The following LEUTX variants were observed in gnomAD, a reference collection of about 807,000 sequenced individuals.
LEUTX encodes the protein leucine twenty homeobox, also known as paired-like homeodomain transcription factor LEUTX.
Under a neutral mutation model 4.5 loss-of-function variants are expected in LEUTX, and 5 were observed. The ratio of observed to expected loss-of-function variants is 1.11; its 90% CI spans 0.58 to 2.34. The LOEUF is 2.34. Among genes scored for constraint, LEUTX ranks in the 30% most tolerant of loss-of-function variants. The probability of loss-of-function intolerance (pLI) is 0.01; values close to 1 mark genes in which losing one functional copy is unlikely to be tolerated. For synonymous variants in LEUTX, 89 were observed against 85.1 expected, an observed-to-expected ratio of 1.05 and a Z score of -0.25; for missense variants, 233 against 239.4, an observed-to-expected ratio of 0.97 and a Z score of 0.18.
At chr19:39,776,845 C>T (rs1967802648), upstream of LEUTX, among the ~76,000 whole-genome samples, 1 of 152,056 alleles carries the variant, frequency 6.6e-6, no homozygotes, top group Non-Finnish European at 1.5e-5. Context: ...CACACCACTG[C>T]CTGGGTGATA....
upstream of LEUTX, among the ~76,000 whole-genome samples, chr19:39,778,108 A>G (rs932890719): frequency 6.6e-6 from 1 of 152,204 alleles, no homozygotes; most frequent in Non-Finnish European, 1.5e-5. Context: ...AAGACCCATC[A>G]TGGAGAAGAA....
chr19:39,780,857 A>AT (rs1967874753), intron 1 of LEUTX, among the ~76,000 whole-genome samples: 1 of 150,178 alleles, frequency 6.7e-6, no homozygotes, highest in Admixed American at 6.6e-5. Flanking sequence ...TTTTTTTGTA[A>AT]TTTTTTTCTA....
In LEUTX at chr19:39,785,804, A is replaced by C. The variant is rs776270599; in HGVS notation, c.266A>C (p.Glu89Ala). The stretch of plus-strand genomic sequence containing the variant: ...AACCAGACAACTTCAGTGAAGAAGG[A>C]GGAGACTCCCTCAGCCATAACTACT... ...PANQTTSVKK[E>A]ETPSAITTAN... The change falls in exon 3 of 3, where the codon GAG becomes GCG. Residue 89 changes from glutamate (E) to alanine (A), a missense_variant. Physicochemically the swap from Glu to Ala is moderately radical, Grantham distance 107. Transcript: ENST00000638280. 3 of 1,551,776 alleles carry C rather than the reference A, an allele frequency of 1.9e-6. No homozygotes were observed. Among genetic ancestry groups the C allele is most frequent in the Non-Finnish European group, 1.7e-6 (2 of 1,147,004 alleles).
chr19:39,784,333 A>C (rs1031546302), intron 1 of LEUTX, among the ~76,000 whole-genome samples, 194 bp from the exon 2 acceptor site: 2 of 151,740 alleles, frequency 1.3e-5, no homozygotes, highest in Non-Finnish European at 2.9e-5. Context: ...ATGTTAAAGA[A>C]CCTTGTGTTG....
At chr19:39,779,465 C>A (rs73546616) in intron 1 of LEUTX, among the ~76,000 whole-genome samples, 2,693 of 152,090 alleles carry the variant, frequency 0.018, 82 homozygotes, top group African/African-American at 0.059. Flanking sequence ...CTGTTTTTCC[C>A]CTATGCTAAT....
chr19:39,779,150 G>A (rs1186125743), intron 1 of LEUTX, among the ~76,000 whole-genome samples: 1 of 152,082 alleles, frequency 6.6e-6, no homozygotes, highest in Non-Finnish European at 1.5e-5. Context: ...TGGGGTCTTG[G>A]TATGTTGCCC....
At position 39,785,715 on chromosome 19, in the gene LEUTX, G is replaced by A; in HGVS notation, c.177G>A (p.Gln59=). ...LSVVKIWFKN[Q]RAKWKRQQRQ... ...CTCCTTAGATCTGGTTCAAGAACCA[G>A]CGTGCCAAATGGAAGAGGCAGCAGC... Residue 59 remains glutamine, a synonymous_variant, in exon 3 of 3, where the codon CAG becomes CAA. Coordinates refer to ENST00000638280, the MANE Select transcript of LEUTX (RefSeq NM_001382345.1). 4.5e-6 allele frequency: 7 copies of A among 1,551,878 alleles called. No homozygotes were observed. The highest frequency in any genetic ancestry group is 6.1e-6 in the Non-Finnish European group (7 of 1,146,978).
At chr19:39,783,952 T>C (rs1023255968) in intron 1 of LEUTX, among the ~76,000 whole-genome samples, 1 of 152,186 alleles carries the variant, frequency 6.6e-6, no homozygotes, top group Non-Finnish European at 1.5e-5. Flanking sequence ...AACTCTGCTG[T>C]TCCTTTTGCC....
chr19:39,786,274 G>A lies in LEUTX; in HGVS notation c.*139G>A. On this transcript the variant is annotated 3_prime_UTR_variant, in exon 3 of 3. Coordinates refer to ENST00000638280, the MANE Select transcript of LEUTX (RefSeq NM_001382345.1). Reference sequence around the variant, plus strand: ...TTTTTCTGTAGAAAAAACAATAAAGGAACTCCCCTACCTTTCATCATTGCC... The same window carrying A: ...TTTTTCTGTAGAAAAAACAATAAAGAAACTCCCCTACCTTTCATCATTGCC... 3.1e-6 allele frequency: 2 copies of A among 645,214 alleles called. No individual in the cohort carries two copies. The highest frequency in any genetic ancestry group is 5.0e-6 in the Non-Finnish European group (2 of 403,886). The allele number at this position is 645,214 out of a possible 1,614,324, so 40.0% of individuals were successfully genotyped here.
At chr19:39,781,137 T>TA (rs1967880341) in intron 1 of LEUTX, among the ~76,000 whole-genome samples, 5 of 152,136 alleles carry the variant, frequency 3.3e-5, no homozygotes, top group Admixed American at 1.3e-4. Context: ...GCTGTCCCCT[T>TA]CCTGTTTGAG....
At chr19:39,781,124 C>G (rs1422055609) in intron 1 of LEUTX, among the ~76,000 whole-genome samples, 1 of 151,984 alleles carries the variant, frequency 6.6e-6, no homozygotes, top group Non-Finnish European at 1.5e-5. Context: ...CTCTCCCTTT[C>G]TTGCTGTCCC....
chr19:39,778,505 T>A (rs1967832939), upstream of LEUTX, among the ~76,000 whole-genome samples: 1 of 151,804 alleles, frequency 6.6e-6, no homozygotes, highest in Non-Finnish European at 1.5e-5. Context: ...GGGCACCTCC[T>A]TCACCTTCCA....
chr19:39,785,559 C>T (rs71356875), intron 2 of LEUTX, 139 bp from the exon 3 acceptor site: 59,112 of 660,962 alleles, frequency 0.089, 3,068 homozygotes, highest in Non-Finnish European at 0.1. Context: ...CCCAGGACAG[C>T]AGAGAGTAGA....
intron 1 of LEUTX, 81 bp from the exon 2 acceptor site, chr19:39,784,446 C>T: frequency 1.5e-6 from 1 of 651,498 alleles, no homozygotes; most frequent in South Asian, 1.7e-5. Flanking sequence ...TTTTGTCCCA[C>T]AGGTGTTCCC....
At chr19:39,784,367 T>C (rs1180742972) in intron 1 of LEUTX, among the ~76,000 whole-genome samples, 160 bp from the exon 2 acceptor site, 2 of 152,208 alleles carry the variant, frequency 1.3e-5, no homozygotes, top group Non-Finnish European at 2.9e-5. Context: ...TTTGGTTTTC[T>C]GGTTCCTTCT....
upstream of LEUTX, among the ~76,000 whole-genome samples, chr19:39,777,382 A>C (rs912520756): frequency 6.6e-5 from 10 of 152,186 alleles, no homozygotes; most frequent in African/African-American, 2.4e-4. Flanking sequence ...TAGTCACTGG[A>C]ACAAATCTTA....
In LEUTX at chr19:39,782,023, C is replaced by T. The variant is rs561717262; in HGVS notation, c.8-2504C>T. The stretch of plus-strand genomic sequence containing the variant: ...CATTCATTCTTAGGTCACTAAGCTT[C>T]ATATCTCCTTCCCTACAGACCCCAT... On this transcript the variant is annotated intron_variant, in intron 1 of 2. Transcript: ENST00000638280. Among the ~76,000 whole-genome samples, 13 of 152,250 alleles carry T rather than the reference C, an allele frequency of 8.5e-5. No individual in the cohort carries two copies. The East Asian group carries it at 2.5e-3, about 29-fold the overall frequency.
intron 1 of LEUTX, among the ~76,000 whole-genome samples, chr19:39,783,427 A>G (rs1967917564): frequency 6.6e-6 from 1 of 150,628 alleles, no homozygotes; most frequent in African/African-American, 2.4e-5. Context: ...GGTTGGTTCC[A>G]CATTTTTACA....
At chr19:39,778,663 CTTTTTT>C (rs34540141), upstream of LEUTX, among the ~76,000 whole-genome samples, 1 of 119,662 alleles carries the variant, frequency 8.4e-6, no homozygotes, top group African/African-American at 3.3e-5. Flanking sequence ...AAGGATCAGT[CTTTTTT>C]TTTTTTTTTT....
Sources: gnomAD v4.1 joint callset for allele counts (sites outside exome capture counted in the v4.1 genomes callset) on GRCh38, gnomAD v4.1.1 for gene constraint, MANE v1.5 for transcripts, NCBI Gene and HGNC (gene_info 2026-07-23, HGNC 2026-07-21) for gene names.